MDGA2: variants seen among roughly 807,000 people sequenced by gnomAD.
MDGA2 encodes MAM domain containing glycosylphosphatidylinositol anchor 2, also known as MAM domain-containing glycosylphosphatidylinositol anchor protein 2.
A neutral mutation model predicts 117.8 loss-of-function variants in MDGA2; 40 were observed. The observed-to-expected ratio is 0.34, with a 90% CI of 0.26 to 0.44. The LOEUF (loss-of-function observed/expected upper bound fraction) is 0.44. Among genes scored for constraint, MDGA2 ranks in the 20% least tolerant of loss-of-function variants. The pLI, the probability that MDGA2 is intolerant of heterozygous loss-of-function variation, is 1.00. For missense variants in MDGA2, 1,123 were observed against 1,250.6 expected (o/e 0.90, Z 1.54); for synonymous variants, 452 against 439.0 (o/e 1.03, Z -0.37).
chr14:47,179,611 T>C (rs918568630), intron 3 of MDGA2, among the ~76,000 whole-genome samples: 14 of 152,078 alleles, frequency 9.2e-5, no homozygotes, highest in African/African-American at 3.1e-4. Context: ...TTTAATAGGC[T>C]ACTGTGATAT....
At chr14:47,028,957 T>A (rs530899088) in intron 8 of MDGA2, among the ~76,000 whole-genome samples, 74 of 152,268 alleles carry the variant, frequency 4.9e-4, no homozygotes, top group Non-Finnish European at 9.4e-4. Flanking sequence ...GTCTTTGATA[T>A]CAGTTTTAGA....
chr14:46,964,035 A>G (rs144988978), intron 8 of MDGA2, among the ~76,000 whole-genome samples: 53 of 152,286 alleles, frequency 3.5e-4, no homozygotes, highest in African/African-American at 1.0e-3. Context: ...TGCTGTGCCA[A>G]TTTCTGGGAC....
chr14:47,122,587 G>T (rs1881708828), intron 5 of MDGA2, among the ~76,000 whole-genome samples: 1 of 152,010 alleles, frequency 6.6e-6, no homozygotes, highest in Admixed American at 6.6e-5. Flanking sequence ...GTATTTTATT[G>T]TATCTCCTTT....
intron 1 of MDGA2, among the ~76,000 whole-genome samples, chr14:47,578,236 C>T (rs1446038670): frequency 6.6e-6 from 1 of 151,784 alleles, no homozygotes; most frequent in Non-Finnish European, 1.5e-5. Flanking sequence ...GGGAACAACA[C>T]ACATCAGAGC....
chr14:47,469,213 T>A (rs540043663), intron 1 of MDGA2, among the ~76,000 whole-genome samples: 2 of 152,224 alleles, frequency 1.3e-5, no homozygotes, highest in Non-Finnish European at 2.9e-5. Context: ...TGTGCAGGTT[T>A]GTTACATATG....
At chr14:46,921,369 G>T (rs1884122926) in intron 9 of MDGA2, among the ~76,000 whole-genome samples, 1 of 151,690 alleles carries the variant, frequency 6.6e-6, no homozygotes, top group Non-Finnish European at 1.5e-5. Flanking sequence ...GGCAGCAGAG[G>T]TGCTCGGATC....
intron 8 of MDGA2, among the ~76,000 whole-genome samples, chr14:47,010,768 T>C (rs145686365): frequency 1.3e-5 from 2 of 152,080 alleles, no homozygotes; most frequent in African/African-American, 2.4e-5. Flanking sequence ...TTTCTAGTCA[T>C]TGAATATAAA....
chr14:47,226,154 A>G (rs1952207), intron 2 of MDGA2, among the ~76,000 whole-genome samples: 126,373 of 150,938 alleles, frequency 0.84, 53,103 homozygotes, highest in African/African-American at 0.89. Context: ...AAAATTTCCT[A>G]GCTGCAGTGA....
At chr14:47,170,918 T>A (rs545431185) in intron 3 of MDGA2, among the ~76,000 whole-genome samples, 3 of 152,298 alleles carry the variant, frequency 2.0e-5, no homozygotes, top group South Asian at 4.1e-4. Context: ...TTAATTGACA[T>A]AAACTTTAAA....
At chr14:47,090,541 G>T (rs1235499509) in intron 6 of MDGA2, among the ~76,000 whole-genome samples, 1 of 152,166 alleles carries the variant, frequency 6.6e-6, no homozygotes, top group African/African-American at 2.4e-5. Context: ...ATGATGTGAA[G>T]AATATAGTTT....
intron 2 of MDGA2, among the ~76,000 whole-genome samples, chr14:47,284,265 C>T (rs572837580): frequency 1.3e-4 from 20 of 152,124 alleles, no homozygotes; most frequent in African/African-American, 4.8e-4. Context: ...CTTAATGAAG[C>T]CAAATTGTTA....
intron 1 of MDGA2, among the ~76,000 whole-genome samples, chr14:47,487,185 T>A (rs1179775860): frequency 1.3e-5 from 2 of 152,232 alleles, no homozygotes; most frequent in African/African-American, 4.8e-5. Context: ...ATAGGTATTT[T>A]ATGAAACACT....
rs184460266 is a variant in MDGA2 at position 46,948,936 on chromosome 14, C to T, written c.2089+8438G>A. 2.0e-3 allele frequency among the ~76,000 whole-genome samples: 306 copies of T among 152,132 alleles called. 2 individuals are homozygous for T. The highest frequency in any genetic ancestry group is 3.1e-3 in the Non-Finnish European group (213 of 67,970). On this transcript the variant is annotated intron_variant, in intron 9 of 16. Coordinates refer to ENST00000399232, the MANE Select transcript of MDGA2 (RefSeq NM_001113498.3). ...ACATCAGTCATCCTCTCCATCTCTGCCTTTTTGGAGGGGCATTTTCAATGT... is the reference window on the plus strand; with the variant it reads ...ACATCAGTCATCCTCTCCATCTCTGTCTTTTTGGAGGGGCATTTTCAATGT...
chr14:46,873,285 T>A, intron 14 of MDGA2, 148 bp downstream of exon 14: 1 of 663,954 alleles, frequency 1.5e-6, no homozygotes, highest in African/African-American at 1.9e-5. Context: ...ATTCTTACTA[T>A]CTTATTTTGC....
At chr14:47,459,939 C>A (rs1198225990) in intron 1 of MDGA2, among the ~76,000 whole-genome samples, 1 of 151,972 alleles carries the variant, frequency 6.6e-6, no homozygotes, top group African/African-American at 2.4e-5. Context: ...TTTGAATGAT[C>A]AAGAGTGGAT....
intron 1 of MDGA2, among the ~76,000 whole-genome samples, chr14:47,582,737 A>G (rs138703085): frequency 6.6e-6 from 1 of 152,036 alleles, no homozygotes; most frequent in African/African-American, 2.4e-5. Context: ...ACCCAGATAA[A>G]TCAATCAAAG....
chr14:46,957,639 G>A lies in MDGA2; in HGVS notation c.1824C>T (p.Pro608=). The A allele has an allele frequency of 6.2e-7, 1 of 1,614,000 alleles. No individual in the cohort carries two copies. The highest frequency in any genetic ancestry group is 8.5e-7 in the Non-Finnish European group (1 of 1,179,934). The change falls in exon 9 of 17, where the codon CCC becomes CCT. Residue 608 remains proline, a synonymous_variant. Transcript: ENST00000399232. ...EALVQLIVQY[P]PAVEPAFLEI... is the part of the protein sequence containing the mutation. ...CCAAGAATGCTGGTTCCACTGCAGG[G>A]GGATCTGTAGAAAAGATATGTAAAA...
At chr14:46,935,524 A>C (rs969314485) in intron 9 of MDGA2, among the ~76,000 whole-genome samples, 2 of 152,290 alleles carry the variant, frequency 1.3e-5, no homozygotes, top group Non-Finnish European at 2.9e-5. Flanking sequence ...AAAATAACCC[A>C]AAACTGTGAT....
At chr14:47,390,085 C>T (rs1891859637) in intron 1 of MDGA2, among the ~76,000 whole-genome samples, 1 of 152,090 alleles carries the variant, frequency 6.6e-6, no homozygotes, top group African/African-American at 2.4e-5. Flanking sequence ...AGAACTTCAG[C>T]ATTTGAGGTG....
Sources: gnomAD v4.1 joint callset for allele counts (sites outside exome capture counted in the v4.1 genomes callset) on GRCh38, gnomAD v4.1.1 for gene constraint, MANE v1.5 for transcripts, NCBI Gene and HGNC (gene_info 2026-07-23, HGNC 2026-07-21) for gene names.